The following SLC14A2 variants were observed in gnomAD, a reference collection of about 807,000 sequenced individuals.
SLC14A2 encodes the protein solute carrier family 14 member 2, also known as urea transporter 2.
In SLC14A2, 91 loss-of-function variants were observed where a neutral mutation model predicts 104.6. That is an observed-to-expected ratio of 0.87 (90% CI 0.73 to 1.04). SLC14A2 has a LOEUF of 1.04. SLC14A2 is among the 50% of genes least tolerant of loss of function. The pLI, the probability that SLC14A2 is intolerant of heterozygous loss-of-function variation, is 0.00. For missense variants in SLC14A2, 1,189 were observed against 1,156.0 expected, an observed-to-expected ratio of 1.03 and a Z score of -0.41; for synonymous variants, 476 against 466.4, an observed-to-expected ratio of 1.02 and a Z score of -0.27.
rs150651739 is a variant in SLC14A2, at chr18:45,408,973, G to T, written c.-124-74260G>T. ...TTTTATTAACCAATGCTCTGAGCCT[G>T]TGAACTTAACAAAATGCAATCTGGG... On this transcript the variant is annotated intron_variant, in intron 1 of 20. Coordinates refer to the SLC14A2 transcript ENST00000586448. Among the ~76,000 whole-genome samples, 483 of 152,334 alleles carry T rather than the reference G, an allele frequency of 3.2e-3. 4 individuals are homozygous for T. The highest frequency in any genetic ancestry group is 0.011 in the African/African-American group (459 of 41,570).
At chr18:45,612,285 T>C (rs2363614), upstream of SLC14A2, among the ~76,000 whole-genome samples, 15,538 of 152,288 alleles carry the variant, frequency 0.1, 928 homozygotes, top group East Asian at 0.22. Context: ...GCTGGCAAGA[T>C]AAGCAAATCA....
the SLC14A2 span, among the ~76,000 whole-genome samples, chr18:45,202,372 T>C: frequency 2.0e-5 from 3 of 152,144 alleles, no homozygotes; most frequent in African/African-American, 7.2e-5. Context: ...CAGAATAAAA[T>C]CTAAGATTTC....
chr18:45,399,969 C>T (rs887100658), intron 1 of SLC14A2, among the ~76,000 whole-genome samples: 1 of 152,186 alleles, frequency 6.6e-6, no homozygotes, highest in Non-Finnish European at 1.5e-5. Context: ...TATCACCACT[C>T]ATGGCCATAT....
At chr18:45,668,527 T>TGG (rs1418428560) in intron 15 of SLC14A2, 50 bp downstream of exon 15, 2 of 1,603,936 alleles carry the variant, frequency 1.2e-6, no homozygotes, top group African/African-American at 2.7e-5. Flanking sequence ...GCCACCAACC[T>TGG]TTTCATCCCA....
At chr18:45,331,273 A>G (rs1434348924) in intron 1 of SLC14A2, among the ~76,000 whole-genome samples, 4 of 152,212 alleles carry the variant, frequency 2.6e-5, no homozygotes, top group Non-Finnish European at 5.9e-5. Flanking sequence ...TTATACAAAT[A>G]CTAAATTATT....
chr18:45,182,376 TGAAAAA>T, the SLC14A2 span, among the ~76,000 whole-genome samples: 3 of 151,920 alleles, frequency 2.0e-5, no homozygotes, highest in African/African-American at 7.2e-5. Context: ...ATCGTTTTCT[TGAAAAA>T]GACCTTTCAA....
At chr18:45,667,117 C>T (rs757339794) in intron 13 of SLC14A2, 23 bp downstream of exon 13, 3 of 1,592,354 alleles carry the variant, frequency 1.9e-6, no homozygotes, top group Admixed American at 1.7e-5. Flanking sequence ...GAGAACAACA[C>T]TGACCCTGAC....
intron 1 of SLC14A2, among the ~76,000 whole-genome samples, chr18:45,307,026 C>T (rs950050732): frequency 6.6e-6 from 1 of 152,186 alleles, no homozygotes; most frequent in African/African-American, 2.4e-5. Context: ...AAGCTTTACT[C>T]TTGCCTCGGT....
chr18:45,675,536 A>G (rs538113391), intron 18 of SLC14A2, among the ~76,000 whole-genome samples: 1 of 151,740 alleles, frequency 6.6e-6, no homozygotes, highest in African/African-American at 2.4e-5. Flanking sequence ...TTGTTTTGAG[A>G]CAGGGTCTTA....
rs528264522 is a variant in SLC14A2, at chr18:45,348,030, C to T, written c.-125+134839C>T. On this transcript the variant is annotated intron_variant, in intron 1 of 20. Transcript: ENST00000586448. ...TACCAGGTGGACAGCACATGGTAAG[C>T]ACGAAGTGGAATTCGTCAATTGAAG... Among the ~76,000 whole-genome samples the T allele has an allele frequency of 7.9e-5, 12 of 152,326 alleles. No homozygotes were observed. In the East Asian group the frequency reaches 2.3e-3, roughly 29 times the overall value.
intron 1 of SLC14A2, among the ~76,000 whole-genome samples, chr18:45,410,073 C>T (rs753011222): frequency 5.3e-5 from 8 of 152,138 alleles, no homozygotes; most frequent in Non-Finnish European, 1.2e-4. Context: ...GAGCACACAA[C>T]CTGGAGCCCT....
chr18:45,635,061 C>A, intron 5 of SLC14A2: 1 of 347,654 alleles, frequency 2.9e-6, no homozygotes, highest in South Asian at 2.2e-5. Context: ...ATTGAATACA[C>A]TCCTTTAATT....
intron 2 of SLC14A2, among the ~76,000 whole-genome samples, chr18:45,500,450 GC>G (rs2043176710): frequency 2.6e-5 from 4 of 151,882 alleles, no homozygotes; most frequent in Admixed American, 2.6e-4. Flanking sequence ...GGTAGCGGGC[GC>G]CTGTAGTCCC....
intron 1 of SLC14A2, among the ~76,000 whole-genome samples, chr18:45,409,125 A>G (rs2086187162): frequency 6.6e-6 from 1 of 152,210 alleles, no homozygotes; most frequent in African/African-American, 2.4e-5. Context: ...ACTTGGACTG[A>G]CAAGTCCTGC....
In SLC14A2 at chr18:45,426,543, CATGT is replaced by C. The variant is rs1378000964; in HGVS notation, c.-124-56689_-124-56686del. On this transcript the variant is annotated intron_variant, in intron 1 of 20. Coordinates refer to the SLC14A2 transcript ENST00000586448. ...CACAAGCAGAGCCGAATGAGATCAG[CATGT>C]GTGTGTGTGTGTGTGTGTATACACA... Among the ~76,000 whole-genome samples, 45 of 135,158 alleles carry C rather than the reference CATGT, an allele frequency of 3.3e-4. 1 individual carries two copies. The highest frequency in any genetic ancestry group is 7.0e-4 in the East Asian group (3 of 4,304). The allele number at this position is 135,158 out of a possible 152,430, so 88.7% of individuals were successfully genotyped here. A position where few individuals can be genotyped will look rare whatever the true frequency, so the allele number is the denominator to read the frequency against.
At chr18:45,185,847 C>T in the SLC14A2 span, among the ~76,000 whole-genome samples, 1 of 152,030 alleles carries the variant, frequency 6.6e-6, no homozygotes, top group Non-Finnish European at 1.5e-5. Context: ...ATACAAGCAA[C>T]AATCATAAAC....
chr18:45,250,000 T>A (rs1207487185), intron 1 of SLC14A2, among the ~76,000 whole-genome samples: 1 of 152,094 alleles, frequency 6.6e-6, no homozygotes, highest in African/African-American at 2.4e-5. Context: ...AGTCATTGAC[T>A]AAATTATCAA....
intron 1 of SLC14A2, chr18:45,438,470 T>TAA (rs2086631840): frequency 6.6e-6 from 1 of 152,214 alleles, no homozygotes; most frequent in Non-Finnish European, 1.5e-5. Context: ...GCTCAGTGTG[T>TAA]GTTTGGGTGT....
chr18:45,242,436 T>C lies in SLC14A2; in HGVS notation c.-125+29245T>C, dbSNP rs540105655. 1.1e-3 allele frequency among the ~76,000 whole-genome samples: 160 copies of C among 152,312 alleles called. 1 individual carries two copies. Among genetic ancestry groups the C allele is most frequent in the African/African-American group, 3.7e-3 (154 of 41,570 alleles). On this transcript the variant is annotated intron_variant, in intron 1 of 20. Transcript: ENST00000586448. ...GAAACTAGAGGGAAAACTCGATTGC[T>C]CCATGTTGCAAATTGATTAAAGATA...
Sources: allele counts gnomAD v4.1 joint callset (sites outside exome capture counted in the v4.1 genomes callset), GRCh38; gene constraint gnomAD v4.1.1; transcripts MANE v1.5; gene names NCBI Gene and HGNC (gene_info 2026-07-23, HGNC 2026-07-21).